ASIP: variants seen among roughly 807,000 people sequenced by gnomAD.
ASIP encodes the protein agouti signaling protein.
Under a neutral mutation model 10.3 loss-of-function variants are expected in ASIP, and 11 were observed. The observed-to-expected ratio is 1.07, with a 90% CI of 0.68 to 1.78. The LOEUF (loss-of-function observed/expected upper bound fraction) is 1.78, where lower values mean the gene tolerates loss of function less well. ASIP is among the 40% of genes most tolerant of loss of function. ASIP has a pLI of 0.00. For missense variants in ASIP, 180 were observed against 169.2 expected (o/e 1.06, Z -0.35); for synonymous variants, 70 against 70.8 (o/e 0.99, Z 0.06).
chr20:34,253,627 A>G (rs2035520495), intron 1 of ASIP, among the ~76,000 whole-genome samples: 2 of 151,730 alleles, frequency 1.3e-5, no homozygotes, highest in African/African-American at 4.8e-5. Context: ...ATGCACCACC[A>G]AGCCTGGCTA....
intron 1 of ASIP, among the ~76,000 whole-genome samples, chr20:34,210,027 C>A (rs1486708547): frequency 6.6e-6 from 1 of 152,198 alleles, no homozygotes; most frequent in Admixed American, 6.5e-5. Flanking sequence ...CAACCTGCTA[C>A]AGAGAGGAGC....
At chr20:34,262,956 G>T (rs1290965189) in intron 3 of ASIP, 63 bp downstream of exon 3, 5 of 1,579,234 alleles carry the variant, frequency 3.2e-6, no homozygotes, top group South Asian at 2.2e-5. Context: ...AAAGAAGGAG[G>T]ACCCCCAACC....
intron 1 of ASIP, 123 bp downstream of exon 1, chr20:34,241,612 CT>C: frequency 1.1e-6 from 1 of 884,146 alleles, no homozygotes. Flanking sequence ...TTTTGATTCA[CT>C]TTTGTGGGTC....
chr20:34,260,386 C>G lies in ASIP; in HGVS notation c.12C>G (p.Thr4=), dbSNP rs768122549. 1 of 1,613,650 alleles carries G rather than the reference C, an allele frequency of 6.2e-7. No individual in the cohort carries two copies. Among genetic ancestry groups the G allele is most frequent in the East Asian group, 2.2e-5 (1 of 44,888 alleles). ...TCAGGCCTCCTGGGATGGATGTCACCCGCTTACTCCTGGCCACCCTGCTGG... is the reference window on the plus strand; with the variant it reads ...TCAGGCCTCCTGGGATGGATGTCACGCGCTTACTCCTGGCCACCCTGCTGG... The part of the protein sequence containing the change: MDV[T]RLLLATLLVF... The change falls in exon 2 of 4, where the codon ACC becomes ACG. Residue 4 remains threonine (T), a synonymous_variant. Coordinates refer to ENST00000374954, the MANE Select transcript of ASIP (RefSeq NM_001672.3).
chr20:34,267,283 C>G (rs533173939), intron 3 of ASIP, among the ~76,000 whole-genome samples: 1 of 151,658 alleles, frequency 6.6e-6, no homozygotes, highest in African/African-American at 2.4e-5. Flanking sequence ...GGTAATGAGA[C>G]TGAAGGGAAG....
chr20:34,253,048 G>A (rs1227595673), intron 1 of ASIP, among the ~76,000 whole-genome samples: 1 of 152,140 alleles, frequency 6.6e-6, no homozygotes, highest in Non-Finnish European at 1.5e-5. Flanking sequence ...AGATCAAAAT[G>A]GAGTTTTTTA....
chr20:34,235,369 G>A (rs955445636), intron 1 of ASIP, among the ~76,000 whole-genome samples: 1 of 152,184 alleles, frequency 6.6e-6, no homozygotes, highest in African/African-American at 2.4e-5. Flanking sequence ...GAAGCGGGGA[G>A]GCGGAGGTTG....
chr20:34,265,822 C>T (rs1421060383), intron 3 of ASIP, among the ~76,000 whole-genome samples: 2 of 151,886 alleles, frequency 1.3e-5, no homozygotes. Context: ...TGGTGCTGCA[C>T]GCCTGTAATC....
chr20:34,204,027 A>C (rs1453615718), intron 1 of ASIP, among the ~76,000 whole-genome samples: 2 of 152,138 alleles, frequency 1.3e-5, no homozygotes, highest in Non-Finnish European at 2.9e-5. Context: ...CCCGGCCATA[A>C]ATGGCATATT....
chr20:34,251,465 G>A (rs1383402229), intron 1 of ASIP, among the ~76,000 whole-genome samples: 10 of 151,816 alleles, frequency 6.6e-5, no homozygotes, highest in Non-Finnish European at 1.3e-4. Flanking sequence ...TAATAGAGAC[G>A]GGGTTTTACC....
intron 1 of ASIP, among the ~76,000 whole-genome samples, chr20:34,254,605 T>C (rs1054549483): frequency 1.3e-5 from 2 of 152,208 alleles, no homozygotes; most frequent in Admixed American, 1.3e-4. Flanking sequence ...TCTGTATTCA[T>C]CCTGCCTATT....
At position 34,241,474 on chromosome 20, in the gene ASIP, C is replaced by T. The variant is rs545545765; in HGVS notation, c.-26C>T. 8.1e-5 allele frequency: 80 copies of T among 985,440 alleles called. No individual in the cohort carries two copies. The highest frequency in any genetic ancestry group is 7.0e-4 in the African/African-American group (40 of 57,358). The allele number at this position is 985,440 out of a possible 1,614,324, so 61.0% of individuals were successfully genotyped here. A position where few individuals can be genotyped will look rare whatever the true frequency, so the allele number is the denominator to read the frequency against. ...AAAAGGAAGTTCCTTGGCCTGGGCT[C>T]TTTGCGGGAAAGCATGTGAGTTTAG... On this transcript the variant is annotated 5_prime_UTR_variant, in exon 1 of 4. Coordinates refer to ENST00000374954, the MANE Select transcript of ASIP (RefSeq NM_001672.3).
At chr20:34,243,721 A>G (rs1601592440) in intron 1 of ASIP, among the ~76,000 whole-genome samples, 1 of 151,150 alleles carries the variant, frequency 6.6e-6, no homozygotes, top group Non-Finnish European at 1.5e-5. Context: ...TAAATTTTAC[A>G]TCTTTCTAAT....
At chr20:34,192,745 G>A (rs1399101649), upstream of ASIP, among the ~76,000 whole-genome samples, 4 of 152,104 alleles carry the variant, frequency 2.6e-5, no homozygotes, top group Non-Finnish European at 5.9e-5. Flanking sequence ...TTTGGGGCCT[G>A]CCTCAGATTG....
At chr20:34,263,239 G>A (rs1261630335) in intron 3 of ASIP, among the ~76,000 whole-genome samples, 1 of 152,178 alleles carries the variant, frequency 6.6e-6, no homozygotes, top group East Asian at 1.9e-4. Context: ...CCATATCTGA[G>A]TTCCACCTAT....
At chr20:34,215,465 G>A (rs7343814) in intron 1 of ASIP, 2 of 1,529,176 alleles carry the variant, frequency 1.3e-6, no homozygotes, top group African/African-American at 1.4e-5. Flanking sequence ...AGGATTCGCA[G>A]GTACAGATCT....
chr20:34,205,286 C>G (rs757768207), intron 1 of ASIP, among the ~76,000 whole-genome samples: 2 of 152,170 alleles, frequency 1.3e-5, no homozygotes, highest in African/African-American at 4.8e-5. Context: ...AAAGGCATCA[C>G]GTCCAGAGCT....
chr20:34,267,474 A>AAAG (rs1272159464), intron 3 of ASIP, among the ~76,000 whole-genome samples: 1 of 151,398 alleles, frequency 6.6e-6, no homozygotes, highest in African/African-American at 2.4e-5. Context: ...AAAAAAAAAA[A>AAAG]AAAAAAAAAG....
chr20:34,192,905 A>G (rs1181773899), upstream of ASIP, among the ~76,000 whole-genome samples: 2 of 152,262 alleles, frequency 1.3e-5, no homozygotes, highest in African/African-American at 2.4e-5. Context: ...TGATCAACTC[A>G]GGATAATTGG....
Sources: allele counts gnomAD v4.1 joint callset (sites outside exome capture counted in the v4.1 genomes callset), GRCh38; gene constraint gnomAD v4.1.1; transcripts MANE v1.5; gene names NCBI Gene and HGNC (gene_info 2026-07-23, HGNC 2026-07-21).